The following SAMMSON variants were observed in gnomAD, a reference collection of about 807,000 sequenced individuals.
The protein encoded by SAMMSON is long intergenic non-protein coding RNA 1212.
intron 9 of SAMMSON, among the ~76,000 whole-genome samples, chr3:70,370,068 T>C (rs1702954091): frequency 1.3e-5 from 2 of 151,954 alleles, no homozygotes; most frequent in South Asian, 4.1e-4. Flanking sequence ...AGAACTCATA[T>C]CTCTCTGTGC....
Position 70,211,180 on chromosome 3 carries a change from CT to C in SAMMSON, n.508-37921del, listed in dbSNP as rs528836973. On this transcript the variant is annotated intron_variant and non_coding_transcript_variant, in intron 4 of 9. Transcript: ENST00000642114. ...TTCTTTTCCCATTTTCCTTTCCCTT[CT>C]TTTTTCTTTTCCTTTTCCTTTCCCC... Among the ~76,000 whole-genome samples, 839 of 152,062 alleles carry C rather than the reference CT, an allele frequency of 5.5e-3. 5 individuals carry two copies. The highest frequency in any genetic ancestry group is 0.019 in the African/African-American group (806 of 41,500).
intron 6 of SAMMSON, among the ~76,000 whole-genome samples, chr3:70,266,877 C>T (rs1029509089): frequency 6.6e-6 from 1 of 152,198 alleles, no homozygotes; most frequent in East Asian, 1.9e-4. Context: ...TGGAATCATT[C>T]GTCTGACACA....
At chr3:70,144,778 G>A (rs532729893) in intron 4 of SAMMSON, among the ~76,000 whole-genome samples, 1 of 152,194 alleles carries the variant, frequency 6.6e-6, no homozygotes, top group East Asian at 1.9e-4. Flanking sequence ...CCATGCACAA[G>A]CTCTCTCTTT....
At chr3:70,098,193 G>T (rs2106652141) in intron 4 of SAMMSON, among the ~76,000 whole-genome samples, 1 of 152,248 alleles carries the variant, frequency 6.6e-6, no homozygotes, top group East Asian at 1.9e-4. Flanking sequence ...CTAGAGTCCA[G>T]ATAAAGTCAG....
At chr3:70,402,507 T>G (rs996388042) in intron 2 of SAMMSON, among the ~76,000 whole-genome samples, 11 of 152,218 alleles carry the variant, frequency 7.2e-5, no homozygotes, top group African/African-American at 2.4e-4. Context: ...GTTTTAAAAA[T>G]ATATTTTAAC....
At chr3:70,053,431 A>G (rs1238298356) in intron 3 of SAMMSON, among the ~76,000 whole-genome samples, 1 of 152,144 alleles carries the variant, frequency 6.6e-6, no homozygotes, top group Non-Finnish European at 1.5e-5. Context: ...CATAGAAAAG[A>G]GATCAGAAAG....
chr3:70,212,678 T>C (rs1344430483), intron 4 of SAMMSON, among the ~76,000 whole-genome samples: 1 of 152,140 alleles, frequency 6.6e-6, no homozygotes, highest in Admixed American at 6.6e-5. Flanking sequence ...AAAATTATAC[T>C]TTGGACAATA....
intron 7 of SAMMSON, among the ~76,000 whole-genome samples, chr3:70,296,826 G>T (rs527502364): frequency 6.6e-6 from 1 of 152,034 alleles, no homozygotes; most frequent in South Asian, 2.1e-4. Flanking sequence ...TAGCTGGAGT[G>T]GTTTTTTTAA....
chr3:70,384,075 A>G (rs1054498460), intron 9 of SAMMSON, among the ~76,000 whole-genome samples: 12 of 152,064 alleles, frequency 7.9e-5, no homozygotes, highest in African/African-American at 2.7e-4. Context: ...CCAGGAGCAG[A>G]AAGCAAGGGC....
chr3:70,236,663 A>G lies in SAMMSON; in HGVS notation n.508-12444A>G, dbSNP rs556110299. On this transcript the variant is annotated intron_variant and non_coding_transcript_variant, in intron 4 of 9. Transcript: ENST00000642114. ...CAGGCTGGAGTGCAGCGGCACAATCATGGCTCGCTGCAGTCTCAACCTCCC... is the reference window on the plus strand; with the variant it reads ...CAGGCTGGAGTGCAGCGGCACAATCGTGGCTCGCTGCAGTCTCAACCTCCC... Among the ~76,000 whole-genome samples, 7 of 152,128 alleles carry G rather than the reference A, an allele frequency of 4.6e-5. No homozygotes were observed. In the South Asian group the frequency reaches 1.5e-3, roughly 32 times the overall value.
intron 4 of SAMMSON, among the ~76,000 whole-genome samples, chr3:70,221,262 A>G (rs1200391147): frequency 1.3e-5 from 2 of 152,180 alleles, no homozygotes; most frequent in African/African-American, 4.8e-5. Flanking sequence ...GCTAACATTC[A>G]CTTCACACTA....
chr3:70,050,136 A>T (rs902166533), intron 3 of SAMMSON, among the ~76,000 whole-genome samples: 7 of 152,114 alleles, frequency 4.6e-5, no homozygotes, highest in Non-Finnish European at 2.9e-5. Context: ...GTGGCCAGAG[A>T]GAAGAACTGC....
chr3:70,407,075 T>C (rs1428197788), intron 2 of SAMMSON, among the ~76,000 whole-genome samples: 1 of 152,160 alleles, frequency 6.6e-6, no homozygotes, highest in Admixed American at 6.6e-5. Flanking sequence ...AACCCTGATA[T>C]AACCATCAGA....
chr3:70,050,229 A>G (rs562262007), intron 3 of SAMMSON, among the ~76,000 whole-genome samples: 2 of 152,132 alleles, frequency 1.3e-5, no homozygotes, highest in Non-Finnish European at 2.9e-5. Flanking sequence ...GATTAAAAAT[A>G]TTTTGCGTTC....
chr3:70,314,436 T>A (rs937652147), intron 7 of SAMMSON, among the ~76,000 whole-genome samples: 3 of 152,172 alleles, frequency 2.0e-5, no homozygotes, highest in African/African-American at 7.2e-5. Flanking sequence ...CTAATTTCCT[T>A]AATAATTTAA....
intron 3 of SAMMSON, among the ~76,000 whole-genome samples, chr3:70,038,762 T>C (rs900948547): frequency 6.6e-6 from 1 of 152,200 alleles, no homozygotes; most frequent in Non-Finnish European, 1.5e-5. Context: ...ATGAAGCCTC[T>C]ATGAATCAGA....
Position 70,133,167 on chromosome 3 carries a change from G to T in SAMMSON, n.507+61602G>T, listed in dbSNP as rs564258977. Among the ~76,000 whole-genome samples, 4 of 152,270 alleles carry T rather than the reference G, an allele frequency of 2.6e-5. No individual in the cohort carries two copies. The South Asian group carries it at 8.3e-4, about 32-fold the overall frequency. ...CTGGTGGCCCCTAGATAGCTGCAGG[G>T]TGGGGGCTGGTTTCTAGGGGAACCA... On this transcript the variant is annotated intron_variant and non_coding_transcript_variant, in intron 4 of 9. Coordinates refer to ENST00000642114, the Ensembl canonical transcript of SAMMSON.
At chr3:70,223,037 G>C (rs921816564) in intron 4 of SAMMSON, among the ~76,000 whole-genome samples, 1 of 152,094 alleles carries the variant, frequency 6.6e-6, no homozygotes, top group Non-Finnish European at 1.5e-5. Context: ...TTAGGGGCAG[G>C]CTTCAAATTT....
intron 9 of SAMMSON, among the ~76,000 whole-genome samples, chr3:70,376,345 A>G (rs1030650552): frequency 2.6e-5 from 4 of 152,294 alleles, no homozygotes; most frequent in African/African-American, 9.6e-5. Flanking sequence ...GACATTTATG[A>G]TATGCTGGAA....
Sources: gnomAD v4.1 joint callset for allele counts (sites outside exome capture counted in the v4.1 genomes callset) on GRCh38, gnomAD v4.1.1 for gene constraint, MANE v1.5 for transcripts, NCBI Gene and HGNC (gene_info 2026-07-23, HGNC 2026-07-21) for gene names.